The following CA9 variants were observed in gnomAD, a reference collection of about 807,000 sequenced individuals.
CA9 encodes carbonic anhydrase 9.
CA9 carries 43 observed loss-of-function variants against 51.8 expected under a neutral mutation model. That is an observed-to-expected ratio of 0.83 (90% CI 0.65 to 1.07). CA9 has a LOEUF of 1.07. CA9 is among the 50% of genes least tolerant of loss of function. CA9 has a pLI of 0.00. For synonymous variants in CA9, 253 were observed against 244.2 expected, an observed-to-expected ratio of 1.04 and a Z score of -0.34; for missense variants, 574 against 581.4, an observed-to-expected ratio of 0.99 and a Z score of 0.13.
intron 6 of CA9, among the ~76,000 whole-genome samples, chr9:35,678,686 T>C (rs1221268730): frequency 6.9e-6 from 1 of 145,208 alleles, no homozygotes; most frequent in African/African-American, 2.5e-5. Flanking sequence ...TCAGATCATT[T>C]TTTCTTTTCT....
intron 1 of CA9, chr9:35,675,225 C>T: frequency 2.5e-6 from 1 of 403,302 alleles, no homozygotes; most frequent in East Asian, 5.0e-5. Flanking sequence ...AACTCCTGAT[C>T]TCAGGTGATC....
intron 9 of CA9, 121 bp downstream of exon 9, chr9:35,680,260 A>C: frequency 1.8e-6 from 2 of 1,081,220 alleles, no homozygotes; most frequent in Non-Finnish European, 2.8e-6. Flanking sequence ...CCCAACCCCA[A>C]TATTAGAGAG....
At position 35,680,103 on chromosome 9, in the gene CA9, T is replaced by C. The variant is rs200431510; in HGVS notation, c.1211-10T>C. ...ACAGCCCGCCTCTCACATCTCCTTTTTCTCTCCAGTCCAGCTGAATTCCTG... is the reference window on the plus strand; with the variant it reads ...ACAGCCCGCCTCTCACATCTCCTTTCTCTCTCCAGTCCAGCTGAATTCCTG... On this transcript the variant is annotated splice_polypyrimidine_tract_variant and intron_variant, in intron 8 of 10. Transcript: ENST00000378357. 1.1e-5 allele frequency: 17 copies of C among 1,614,090 alleles called. No homozygotes were observed. Among genetic ancestry groups the C allele is most frequent in the Admixed American group, 1.7e-5 (1 of 60,006 alleles).
At position 35,675,753 on chromosome 9, in the gene CA9, C is replaced by T. The variant is rs1379621650; in HGVS notation, c.434-8C>T. On this transcript the variant is annotated splice_region_variant and splice_polypyrimidine_tract_variant and intron_variant, in intron 2 of 10. Coordinates refer to ENST00000378357, the MANE Select transcript of CA9 (RefSeq NM_001216.3). ...GTCAGACTTCCTCACTATACTCTCCCACCCCAGGCGACCCGCCCTGGCCCC... is the reference window on the plus strand; with the variant it reads ...GTCAGACTTCCTCACTATACTCTCCTACCCCAGGCGACCCGCCCTGGCCCC... 28 of 1,600,932 alleles carry T rather than the reference C, an allele frequency of 1.7e-5. No individual in the cohort carries two copies. The highest frequency in any genetic ancestry group is 2.3e-5 in the Non-Finnish European group (27 of 1,177,366).
In CA9 at chr9:35,674,120, C is replaced by G; in HGVS notation, c.161C>G (p.Ser54Cys). 1 of 1,614,144 alleles carries G rather than the reference C, an allele frequency of 6.2e-7. No individual in the cohort carries two copies. Among genetic ancestry groups the G allele is most frequent in the Non-Finnish European group, 8.5e-7 (1 of 1,179,994 alleles). The change falls in exon 1 of 11, where the codon TCT becomes TGT. Residue 54 changes from serine (S) to cysteine (C), a missense_variant. By Grantham distance (112) the Ser-to-Cys change is moderately radical (BLOSUM62 -1). Transcript: ENST00000378357. The part of the protein sequence containing the change: ...QEDSPLGGGS[S>C]GEDDPLGEED... The stretch of plus-strand genomic sequence containing the variant: ...GATTCCCCCTTGGGAGGAGGCTCTT[C>G]TGGGGAAGATGACCCACTGGGCGAG...
rs973947462 is a variant in CA9, at chr9:35,681,023, T to A, written c.1378T>A (p.Ter460LysextTer15). The A allele has an allele frequency of 6.2e-7, 1 of 1,613,580 alleles. No individual in the cohort carries two copies. The highest frequency in any genetic ancestry group is 1.3e-5 in the African/African-American group (1 of 74,900). The change falls in exon 11 of 11, where the codon TAG (stop) becomes AAG (lysine). Residue 460 changes from the stop codon to lysine (K), a stop_lost. Transcript: ENST00000378357. ...AGCAGAGGTAGCCGAGACTGGAGCC[T>A]AGAGGCTGGATCTTGGAGAATGTGA... is the stretch of plus-strand genomic sequence containing the variant. Reference protein sequence around the residue: ...RPAEVAETGA* With the variant: ...RPAEVAETGAK
Position 35,676,094 on chromosome 9 carries a change from TG to T in CA9, c.637del (p.Ala213LeufsTer119). 1 of 1,613,682 alleles carries T rather than the reference TG, an allele frequency of 6.2e-7. No individual in the cohort carries two copies. Among genetic ancestry groups the T allele is most frequent in the Non-Finnish European group, 8.5e-7 (1 of 1,179,884 alleles). On this transcript the variant is annotated frameshift_variant, in exon 4 of 11. Transcript: ENST00000378357. LOFTEE classifies it high-confidence loss of function. The stretch of plus-strand genomic sequence containing the variant: ...CTGACCCTGCCTCCTGGGCTAGAGA[TG>T]GCTCTGGGTCCCGGGCGGGAGTACC... Reference protein sequence around the residue: ...VQLTLPPGLEMALGPGREYRA... With the variant: ...VQLTLPPGLEXALGPGREYRA...
chr9:35,676,662 G>A (rs916778492), intron 5 of CA9, among the ~76,000 whole-genome samples: 11 of 152,196 alleles, frequency 7.2e-5, no homozygotes, highest in African/African-American at 2.7e-4. Context: ...TAGTAAAGAT[G>A]GTGGTCACAG....
intron 7 of CA9, among the ~76,000 whole-genome samples, chr9:35,679,562 C>G (rs1824489116): frequency 6.6e-6 from 1 of 152,002 alleles, no homozygotes; most frequent in African/African-American, 2.4e-5. Flanking sequence ...AAAACCCCAA[C>G]AAAACCAAAA....
intron 6 of CA9, 22 bp from the exon 7 acceptor site, chr9:35,679,163 C>A: frequency 6.2e-7 from 1 of 1,613,636 alleles, no homozygotes; most frequent in South Asian, 1.1e-5. Flanking sequence ...AGATGAGACC[C>A]CAACATAGAT....
chr9:35,679,377 G>A (rs752519358), intron 7 of CA9, 35 bp downstream of exon 7: 10 of 1,584,592 alleles, frequency 6.3e-6, no homozygotes, highest in Non-Finnish European at 7.7e-6. Flanking sequence ...CAGTGGGTGC[G>A]GGGGAAAGAG....
rs747741028 is a variant in CA9, at chr9:35,680,750, C to T, written c.1238-3C>T. 136 of 1,613,932 alleles carry T rather than the reference C, an allele frequency of 8.4e-5. No homozygotes were observed. Among genetic ancestry groups the T allele is most frequent in the Non-Finnish European group, 1.1e-4 (135 of 1,179,802 alleles). ...AAGCAGCCCTCTCTGCTCTCCATCG[C>T]AGGTGACATCCTAGCCCTGGTTTTT... is the stretch of plus-strand genomic sequence containing the variant. On this transcript the variant is annotated splice_polypyrimidine_tract_variant and splice_region_variant and intron_variant, in intron 9 of 10. Transcript: ENST00000378357.
chr9:35,674,182 G>A lies in CA9; in HGVS notation c.223G>A (p.Glu75Lys). The change falls in exon 1 of 11, where the codon GAG (glutamate) becomes AAG (lysine). Residue 75 changes from glutamate to lysine, a missense_variant. Physicochemically the swap from Glu to Lys is moderately conservative, Grantham distance 56. Transcript: ENST00000378357. ...CAGTGAAGAGGATTCACCCAGAGAG[G>A]AGGATCCACCCGGAGAGGAGGATCT... is the stretch of plus-strand genomic sequence containing the variant. ...LPSEEDSPREEDPPGEEDLPG... is the reference protein window; with the variant it reads ...LPSEEDSPREKDPPGEEDLPG... 1 of 1,614,060 alleles carries A rather than the reference G, an allele frequency of 6.2e-7. No homozygotes were observed. The highest frequency in any genetic ancestry group is 8.5e-7 in the Non-Finnish European group (1 of 1,180,018).
intron 1 of CA9, chr9:35,674,570 G>A (rs976062981): frequency 3.7e-6 from 2 of 536,616 alleles, no homozygotes; most frequent in Admixed American, 3.4e-5. Flanking sequence ...GGGTGCAAAA[G>A]GAGAGAGGTG....
In CA9 at chr9:35,675,722, C is replaced by A. The variant is rs753162582; in HGVS notation, c.434-39C>A. On this transcript the variant is annotated intron_variant, in intron 2 of 10. Transcript: ENST00000378357. ...TACCCGGGTTCCCTAAGTTCCTGAC[C>A]TAGGCGTCAGACTTCCTCACTATAC... The A allele has an allele frequency of 1.8e-5, 28 of 1,586,802 alleles. No homozygotes were observed. The African/African-American group carries it at 3.6e-4, about 21-fold the overall frequency.
chr9:35,678,661 T>A (rs904628456), intron 6 of CA9, among the ~76,000 whole-genome samples: 7 of 151,600 alleles, frequency 4.6e-5, no homozygotes, highest in Non-Finnish European at 8.8e-5. Flanking sequence ...ATATTCATAT[T>A]TATTTACAAG....
At chr9:35,680,582 C>T in intron 9 of CA9, 171 bp from the exon 10 acceptor site, 1 of 619,588 alleles carries the variant, frequency 1.6e-6, no homozygotes, top group South Asian at 2.0e-5. Context: ...TTATCTTACC[C>T]CTTCTCGTGT....
In CA9 at chr9:35,675,822, T is replaced by G; in HGVS notation, c.495T>G (p.Asp165Glu). The G allele has an allele frequency of 1.2e-6, 2 of 1,603,838 alleles. No homozygotes were observed. Among genetic ancestry groups the G allele is most frequent in the Non-Finnish European group, 1.7e-6 (2 of 1,179,444 alleles). The change falls in exon 3 of 11, where the codon GAT becomes GAG. Residue 165 changes from aspartate to glutamate, a missense_variant. By Grantham distance (45) the Asp-to-Glu change is conservative. Transcript: ENST00000378357. ...CGGGCCGCTTCCAGTCCCCGGTGGA[T>G]ATCCGCCCCCAGCTCGCCGCCTTCT... Reference protein sequence around the residue: ...ACAGRFQSPVDIRPQLAAFCP... With the variant: ...ACAGRFQSPVEIRPQLAAFCP...
chr9:35,677,926 G>A, intron 6 of CA9, 70 bp downstream of exon 6: 1 of 1,349,532 alleles, frequency 7.4e-7, no homozygotes, highest in Non-Finnish European at 1.1e-6. Flanking sequence ...GGAGCTTCAG[G>A]TCTGAGGCTG....
Sources: allele counts gnomAD v4.1 joint callset (sites outside exome capture counted in the v4.1 genomes callset), GRCh38; gene constraint gnomAD v4.1.1; transcripts MANE v1.5; gene names NCBI Gene and HGNC (gene_info 2026-07-23, HGNC 2026-07-21).